ITGAE: variants seen among roughly 807,000 people sequenced by gnomAD.
ITGAE encodes the protein integrin subunit alpha E, also known as integrin alpha-E.
Under a neutral mutation model 136.5 loss-of-function variants are expected in ITGAE, and 99 were observed. The ratio of observed to expected loss-of-function variants is 0.73; its 90% confidence interval spans 0.62 to 0.86. The LOEUF (loss-of-function observed/expected upper bound fraction) is 0.86. Among genes scored for constraint, ITGAE ranks in the 40% least tolerant of loss-of-function variants. The pLI is 0.00. For synonymous variants in ITGAE, 613 were observed against 591.8 expected, an observed-to-expected ratio of 1.04 and a Z score of -0.52; for missense variants, 1,447 against 1,515.3, an observed-to-expected ratio of 0.95 and a Z score of 0.75.
intron 2 of ITGAE, among the ~76,000 whole-genome samples, chr17:3,773,558 AGTGGGGGTGAGGG>A: frequency 6.9e-6 from 1 of 144,892 alleles, no homozygotes; most frequent in African/African-American, 2.5e-5. Context: ...TGAGGGGCAA[AGTGGGGGTGAGGG>A]GCAAAGCTTC....
At chr17:3,724,315 G>C (rs770106765) in intron 26 of ITGAE, 60 of 1,587,320 alleles carry the variant, frequency 3.8e-5, no homozygotes. Context: ...CAGAAGTGCA[G>C]CACACCCTGC....
intron 26 of ITGAE, chr17:3,724,915 G>T (rs1198104828): frequency 6.2e-7 from 1 of 1,613,652 alleles, no homozygotes; most frequent in Non-Finnish European, 8.5e-7. Context: ...GTGCCAAGGG[G>T]AATAGACAGG....
rs1218771161 is a variant in ITGAE at position 3,755,141 on chromosome 17, C to A, written c.1360G>T (p.Glu454Ter). The A allele has an allele frequency of 1.4e-6, 2 of 1,471,784 alleles. No individual in the cohort carries two copies. Among genetic ancestry groups the A allele is most frequent in the South Asian group, 1.2e-5 (1 of 86,326 alleles). The allele number at this position is 1,471,784 out of a possible 1,614,324, so 91.2% of individuals were successfully genotyped here. ...CCCAGGTAGCTGTACTGCGCAGCCT[C>A]CGCGTCTGCCGCCGCCGCCGCTGTC... ...NQTAAAAADA[E>*]AAQYSYLGYA... Residue 454 changes from glutamate to a stop codon, truncating the protein, a stop_gained, in exon 12 of 31, where the codon GAG becomes TAG. Transcript: ENST00000263087. LOFTEE classifies it high-confidence loss of function.
chr17:3,785,604 A>T (rs2052774015), intron 1 of ITGAE, among the ~76,000 whole-genome samples: 1 of 152,170 alleles, frequency 6.6e-6, no homozygotes, highest in African/African-American at 2.4e-5. Flanking sequence ...TGCATTTCTA[A>T]ATAACCCAGG....
In ITGAE at chr17:3,732,352, G is replaced by T. The variant is rs749601436; in HGVS notation, c.2754+16C>A. The T allele has an allele frequency of 1.9e-6, 3 of 1,600,538 alleles. No individual in the cohort carries two copies. Among genetic ancestry groups the T allele is most frequent in the Non-Finnish European group, 2.6e-6 (3 of 1,167,758 alleles). ...GCAGGGTGGTGAGAAGAGCGAATCA[G>T]TCCAAACCGACTCACAGATGACCTC... On this transcript the variant is annotated intron_variant, in intron 22 of 30. Transcript: ENST00000263087.
In ITGAE at chr17:3,723,834, A is replaced by G. The variant is rs867008144; in HGVS notation, c.3085-90T>C. ...CGGCCCCGGCCCTGGCGAGGTGCGCATGCGCAGGGCCGGGAGCTAGGACCC... is the reference window on the plus strand; with the variant it reads ...CGGCCCCGGCCCTGGCGAGGTGCGCGTGCGCAGGGCCGGGAGCTAGGACCC... On this transcript the variant is annotated intron_variant, in intron 26 of 30. Transcript: ENST00000263087. 115 of 1,549,710 alleles carry G rather than the reference A, an allele frequency of 7.4e-5. No individual in the cohort carries two copies. The African/African-American group carries it at 1.3e-3, about 17-fold the overall frequency.
At chr17:3,784,555 C>T (rs539785041) in intron 1 of ITGAE, among the ~76,000 whole-genome samples, 116 of 151,882 alleles carry the variant, frequency 7.6e-4, no homozygotes, top group African/African-American at 2.6e-3. Flanking sequence ...CCACCATGCC[C>T]GCCTAATTTT....
At chr17:3,796,301 C>T (rs926974124) in intron 1 of ITGAE, among the ~76,000 whole-genome samples, 3 of 152,056 alleles carry the variant, frequency 2.0e-5, no homozygotes, top group African/African-American at 7.2e-5. Flanking sequence ...GCCCCAGGCC[C>T]AACAGTTTGC....
At chr17:3,784,047 T>C (rs1297411613) in intron 1 of ITGAE, among the ~76,000 whole-genome samples, 2 of 152,046 alleles carry the variant, frequency 1.3e-5, no homozygotes, top group East Asian at 1.9e-4. Flanking sequence ...GATCACGAGG[T>C]CAGGAGATCA....
At chr17:3,718,000 ATCT>A (rs1366536145) in intron 29 of ITGAE, 1 of 152,212 alleles carries the variant, frequency 6.6e-6, no homozygotes, top group African/African-American at 2.4e-5. Context: ...ACCTCCCTTT[ATCT>A]TCTTCTAAAC....
chr17:3,759,058 G>GA (rs1433260351), intron 8 of ITGAE, among the ~76,000 whole-genome samples: 2 of 150,704 alleles, frequency 1.3e-5, no homozygotes, highest in African/African-American at 4.9e-5. Flanking sequence ...CTGGGAGGCG[G>GA]AGCTTGCAGT....
In ITGAE at chr17:3,731,393, G is replaced by T. The variant is rs563402072; in HGVS notation, c.2755-210C>A. 5.1e-4 allele frequency among the ~76,000 whole-genome samples: 75 copies of T among 148,024 alleles called. 3 individuals carry two copies. In the South Asian group the frequency reaches 0.016, roughly 32 times the overall value. On this transcript the variant is annotated intron_variant, in intron 22 of 30. Transcript: ENST00000263087. ...GTCTCGCTCTGTCACCCAGGATGGA[G>T]TGCAATGGTGTGATCTCAGCTCACT...
chr17:3,801,187 G>A lies in ITGAE; in HGVS notation c.-43C>T. ...CGGCTGTGTGGGAGCCGAGGCGAGT[G>A]CGACACATGGGCCGTGGCCCACTCA... On this transcript the variant is annotated 5_prime_UTR_variant, in exon 1 of 31. Transcript: ENST00000263087. The A allele has an allele frequency of 1.9e-6, 3 of 1,604,734 alleles. No homozygotes were observed. The highest frequency in any genetic ancestry group is 1.7e-6 in the Non-Finnish European group (2 of 1,178,636).
At chr17:3,743,687 T>TTC in intron 18 of ITGAE, 70 bp from the exon 19 acceptor site, 1 of 1,431,412 alleles carries the variant, frequency 7.0e-7, no homozygotes, top group Non-Finnish European at 9.4e-7. Context: ...ATAATGCTTT[T>TTC]TTTCTTTTTC....
chr17:3,791,580 G>A (rs1216027352), intron 1 of ITGAE, among the ~76,000 whole-genome samples: 1 of 152,190 alleles, frequency 6.6e-6, no homozygotes, highest in Non-Finnish European at 1.5e-5. Flanking sequence ...ACCACGCCCG[G>A]CCCTTCATGT....
In ITGAE at chr17:3,796,167, A is replaced by G. The variant is rs1486639866; in HGVS notation, c.34+4944T>C. Among the ~76,000 whole-genome samples, 21 of 20,848 alleles carry G rather than the reference A, an allele frequency of 1.0e-3. 1 individual carries two copies. The highest frequency in any genetic ancestry group is 4.4e-4 in the East Asian group (1 of 2,266). 13.7% of individuals were successfully genotyped at this position (20,848 alleles called of 152,430 possible). ...TGCATCCGTGTGTGTGTGTGTGTGC[A>G]TCCGTGTGTGTGTGTGTGTGTGTGT... is the stretch of plus-strand genomic sequence containing the variant. On this transcript the variant is annotated intron_variant, in intron 1 of 30. Transcript: ENST00000263087.
Position 3,755,240 on chromosome 17 carries a change from C to A in ITGAE, c.1261G>T (p.Val421Phe). The A allele has an allele frequency of 1.3e-6, 2 of 1,576,652 alleles. No individual in the cohort carries two copies. The highest frequency in any genetic ancestry group is 1.7e-6 in the Non-Finnish European group (2 of 1,168,074). The change falls in exon 12 of 31, where the codon GTC (valine) becomes TTC (phenylalanine). Residue 421 changes from valine (V) to phenylalanine (F), a missense_variant. Val to Phe is a conservative substitution (Grantham distance 50, BLOSUM62 -1). Around this residue, in one of 3 missense-constraint regions of ITGAE, gnomAD observed 1,031 missense variants for 1,011.4 expected, o/e 1.02. Coordinates refer to ENST00000263087, the MANE Select transcript of ITGAE (RefSeq NM_002208.5). Reference sequence around the variant, plus strand: ...CCTCCGGACCAGTCAAAGGCCCCGACGGCGCCGAGCAGCACCTGCCGCTGA... The same window carrying A: ...CCTCCGGACCAGTCAAAGGCCCCGAAGGCGCCGAGCAGCACCTGCCGCTGA... ...LDERQVLLGA[V>F]GAFDWSGGAL...
Position 3,762,227 on chromosome 17 carries a change from T to C in ITGAE, c.248-245A>G, listed in dbSNP as rs933977874. Among the ~76,000 whole-genome samples the C allele has an allele frequency of 1.8e-4, 27 of 152,200 alleles. 1 individual carries two copies. The highest frequency in any genetic ancestry group is 1.3e-4 in the Admixed American group (2 of 15,286). ...TCAACACGTGCCCATTGACGTCTGC[T>C]CTGTGCCCAGCCTTGTGAGCGTGGT... On this transcript the variant is annotated intron_variant, in intron 3 of 30. Coordinates refer to ENST00000263087, the MANE Select transcript of ITGAE (RefSeq NM_002208.5).
intron 17 of ITGAE, among the ~76,000 whole-genome samples, chr17:3,746,781 C>T (rs947276597): frequency 3.3e-5 from 5 of 152,128 alleles, no homozygotes; most frequent in East Asian, 3.9e-4. Context: ...TTAGTAGAGA[C>T]GGGGTTTCAC....
Sources: gnomAD v4.1 joint callset for allele counts (sites outside exome capture counted in the v4.1 genomes callset) on GRCh38, gnomAD v4.1.1 for gene constraint, gnomAD v4.1.1 regional missense constraint, MANE v1.5 for transcripts, NCBI Gene and HGNC (gene_info 2026-07-23, HGNC 2026-07-21) for gene names.